The following ANKRD36C variants were observed in gnomAD, a reference collection of about 807,000 sequenced individuals.
ANKRD36C encodes the protein ankyrin repeat domain-containing protein 36C.
A neutral mutation model predicts 276.4 loss-of-function variants in ANKRD36C; 61 were observed. The ratio of observed to expected loss-of-function variants is 0.22; its 90% CI spans 0.18 to 0.27. ANKRD36C has a LOEUF of 0.27. Among genes scored for constraint, ANKRD36C ranks in the 10% least tolerant of loss-of-function variants. The pLI is 1.00. For synonymous variants in ANKRD36C, 483 were observed against 680.1 expected (o/e 0.71, Z 4.51); for missense variants, 1,447 against 2,032.3 (o/e 0.71, Z 5.54).
chr2:95,853,497 G>A (rs1675337563), intron 64 of ANKRD36C: 1 of 352,516 alleles, frequency 2.8e-6, no homozygotes, highest in Non-Finnish European at 4.9e-6. Flanking sequence ...GAAAGCCAGA[G>A]ATTAAGATAT....
chr2:95,884,368 A>G (rs762344419), exon 53 of ANKRD36C: 3 of 1,610,742 alleles, frequency 1.9e-6, no homozygotes, highest in Non-Finnish European at 2.5e-6. Flanking sequence ...CTGAGAAGAC[A>G]CTGAAAAGCA....
At chr2:95,952,199 C>A (rs370986411) in intron 14 of ANKRD36C, among the ~76,000 whole-genome samples, 1,559 of 121,992 alleles carry the variant, frequency 0.013, no homozygotes, top group South Asian at 0.038. Context: ...ACCAGTCAAT[C>A]AAATATGCGC....
chr2:95,908,750 T>C, intron 42 of ANKRD36C, 53 bp from the exon 47 acceptor site: 1 of 1,536,604 alleles, frequency 6.5e-7, no homozygotes, highest in Non-Finnish European at 8.8e-7. Flanking sequence ...GACAAAATTA[T>C]CCACATATTC....
intron 22 of ANKRD36C, among the ~76,000 whole-genome samples, chr2:95,937,748 G>A (rs376415265): frequency 2.4e-3 from 246 of 102,462 alleles, no homozygotes; most frequent in Middle Eastern, 0.016. Flanking sequence ...GAAAAACATG[G>A]CTCTAAGGGG....
At chr2:95,973,303 T>G (rs193172282) in intron 6 of ANKRD36C, among the ~76,000 whole-genome samples, 31 of 151,882 alleles carry the variant, frequency 2.0e-4, no homozygotes, top group African/African-American at 7.3e-4. Flanking sequence ...TCCCAACTAC[T>G]TGGGAGGCTG....
rs557298236 is a variant in ANKRD36C at position 95,920,350 on chromosome 2, T to C, written c.2245+1257A>G. Reference sequence around the variant, plus strand: ...ATACTACAAACATTCATCATGCTCTTTAACTTGCCCAATAACTGAGAAGGC... The same window carrying C: ...ATACTACAAACATTCATCATGCTCTCTAACTTGCCCAATAACTGAGAAGGC... On this transcript the variant is annotated intron_variant, in intron 34 of 66. Coordinates refer to ENST00000456556, the Ensembl canonical transcript of ANKRD36C. Among the ~76,000 whole-genome samples, 68 of 132,314 alleles carry C rather than the reference T, an allele frequency of 5.1e-4. 18 individuals carry two copies. Among genetic ancestry groups the C allele is most frequent in the Non-Finnish European group, 8.6e-4 (51 of 59,604 alleles). 86.8% of individuals were successfully genotyped at this position (132,314 alleles called of 152,430 possible). A position where few individuals can be genotyped will look rare whatever the true frequency, so the allele number is the denominator to read the frequency against.
At chr2:95,860,981 CG>C (rs1383439047) in intron 60 of ANKRD36C, among the ~76,000 whole-genome samples, 1 of 152,030 alleles carries the variant, frequency 6.6e-6, no homozygotes, top group Non-Finnish European at 1.5e-5. Flanking sequence ...TTAGCAGAAA[CG>C]ATGTCTGGGG....
chr2:95,870,857 T>G (rs1342222084), intron 59 of ANKRD36C, among the ~76,000 whole-genome samples: 1 of 152,028 alleles, frequency 6.6e-6, no homozygotes, highest in African/African-American at 2.4e-5. Flanking sequence ...GCTCGAGAAC[T>G]ATGTGAAGAG....
intron 61 of ANKRD36C, among the ~76,000 whole-genome samples, chr2:95,858,757 G>A (rs545219279): frequency 6.6e-6 from 1 of 152,126 alleles, no homozygotes; most frequent in African/African-American, 2.4e-5. Flanking sequence ...ACTAGGTTAA[G>A]AATGTAATAT....
chr2:95,969,636 C>T (rs1273711745), intron 6 of ANKRD36C, among the ~76,000 whole-genome samples: 2 of 152,162 alleles, frequency 1.3e-5, no homozygotes, highest in Non-Finnish European at 2.9e-5. Context: ...TCCAAGATCA[C>T]GTGAAGCAGA....
intron 9 of ANKRD36C, 37 bp from the exon 10 acceptor site, chr2:95,960,582 A>T: frequency 2.3e-6 from 3 of 1,332,266 alleles, no homozygotes; most frequent in Non-Finnish European, 1.0e-6. Context: ...CAATACCTAA[A>T]GTATATTTCA....
chr2:95,910,674 C>A (rs1309914803), intron 42 of ANKRD36C, 106 bp from the exon 45 acceptor site: 2 of 1,567,154 alleles, frequency 1.3e-6, no homozygotes, highest in Admixed American at 3.6e-5. Flanking sequence ...CCTGTATTAG[C>A]GCAGGCTTTG....
At chr2:95,946,555 T>G (rs1182199080) in intron 17 of ANKRD36C, among the ~76,000 whole-genome samples, 1 of 145,236 alleles carries the variant, frequency 6.9e-6, no homozygotes, top group East Asian at 2.0e-4. Flanking sequence ...ATCCCATTAC[T>G]GGGTATATAC....
At position 95,925,610 on chromosome 2, in the gene ANKRD36C, C is replaced by T; in HGVS notation, c.1940-63G>A. The T allele has an allele frequency of 4.8e-6, 7 of 1,461,950 alleles. No homozygotes were observed. In the South Asian group the frequency reaches 8.9e-5, roughly 19 times the overall value. The allele number at this position is 1,461,950 out of a possible 1,614,324, so 90.6% of individuals were successfully genotyped here. On this transcript the variant is annotated intron_variant, in intron 28 of 66. Coordinates refer to ENST00000456556, the Ensembl canonical transcript of ANKRD36C. ...AATATGATAAAGTCGTCCACACATT[C>T]ATGCAGTGTTAGCATCAAGCTGTAT...
chr2:95,864,181 T>C (rs878896135), intron 60 of ANKRD36C, among the ~76,000 whole-genome samples: 6 of 152,066 alleles, frequency 3.9e-5, no homozygotes, highest in Non-Finnish European at 8.8e-5. Context: ...CTTTAGTAAA[T>C]TGTATCCGAC....
intron 6 of ANKRD36C, among the ~76,000 whole-genome samples, chr2:95,963,958 A>AATATATATATATAAATATATATATAT (rs1678519096): frequency 4.7e-5 from 3 of 63,594 alleles, no homozygotes; most frequent in Non-Finnish European, 9.2e-5. Context: ...TATATATATA[A>AATATATATATATAAATATATATATAT]ATATATATAT....
chr2:95,890,694 T>A (rs1293725046), intron 46 of ANKRD36C, among the ~76,000 whole-genome samples: 1 of 151,596 alleles, frequency 6.6e-6, no homozygotes, highest in African/African-American at 2.4e-5. Flanking sequence ...TCATCAATTA[T>A]CAACTTTGAC....
chr2:95,988,399 T>TAA (rs1165584980), intron 1 of ANKRD36C, among the ~76,000 whole-genome samples: 22 of 143,090 alleles, frequency 1.5e-4, no homozygotes, highest in African/African-American at 4.8e-4. Context: ...TGCTTTTGTT[T>TAA]AAAAAAAAAA....
At chr2:95,911,525 T>G (rs766387024) in intron 42 of ANKRD36C, among the ~76,000 whole-genome samples, 4 of 151,460 alleles carry the variant, frequency 2.6e-5, no homozygotes, top group Non-Finnish European at 5.9e-5. Context: ...CATATTCAAG[T>G]TTATCTCATT....
Sources: allele counts gnomAD v4.1 joint callset (sites outside exome capture counted in the v4.1 genomes callset), GRCh38; gene constraint gnomAD v4.1.1; transcripts MANE v1.5; gene names NCBI Gene and HGNC (gene_info 2026-07-23, HGNC 2026-07-21).